OXR1: variants seen among roughly 807,000 people sequenced by gnomAD.
OXR1 encodes oxidation resistance protein 1.
OXR1 carries 41 observed loss-of-function variants against 104.6 expected under a neutral mutation model. The ratio of observed to expected loss-of-function variants is 0.39; its 90% confidence interval spans 0.31 to 0.51. The LOEUF (loss-of-function observed/expected upper bound fraction) is 0.51. OXR1 is among the 20% of genes least tolerant of loss of function. The pLI is 0.77. For synonymous variants in OXR1, 348 were observed against 348.4 expected (o/e 1.00, Z 0.01); for missense variants, 955 against 1,031.9 (o/e 0.93, Z 1.02).
At chr8:106,315,060 C>G (rs562575562) in intron 1 of OXR1, among the ~76,000 whole-genome samples, 2 of 150,922 alleles carry the variant, frequency 1.3e-5, no homozygotes, top group South Asian at 4.2e-4. Context: ...GTAAACTTGT[C>G]GAGTGGGCGT....
intron 2 of OXR1, among the ~76,000 whole-genome samples, chr8:106,385,336 C>T (rs903628526): frequency 6.6e-6 from 1 of 152,158 alleles, no homozygotes; most frequent in Non-Finnish European, 1.5e-5. Flanking sequence ...AGAGAAAATT[C>T]TTATTGATAT....
chr8:106,647,884 A>G (rs573507025), intron 3 of OXR1, among the ~76,000 whole-genome samples: 1 of 152,168 alleles, frequency 6.6e-6, no homozygotes, highest in Non-Finnish European at 1.5e-5. Flanking sequence ...TTAAGATCCA[A>G]TTGTTATTTT....
At chr8:106,725,093 A>G (rs1357007711) in intron 11 of OXR1, among the ~76,000 whole-genome samples, 1 of 152,074 alleles carries the variant, frequency 6.6e-6, no homozygotes, top group African/African-American at 2.4e-5. Flanking sequence ...GAAGATAATG[A>G]TGGTGTTCCT....
intron 3 of OXR1, among the ~76,000 whole-genome samples, chr8:106,590,909 C>T (rs750100462): frequency 6.6e-6 from 1 of 152,076 alleles, no homozygotes; most frequent in Non-Finnish European, 1.5e-5. Flanking sequence ...TGAGGAAGCC[C>T]ACTCTATTTT....
At chr8:106,606,264 C>G (rs1158984146) in intron 3 of OXR1, among the ~76,000 whole-genome samples, 1 of 149,724 alleles carries the variant, frequency 6.7e-6, no homozygotes, top group Non-Finnish European at 1.5e-5. Flanking sequence ...GCAAGTCTTC[C>G]TTAGAGCATA....
chr8:106,518,492 A>C (rs1813014366), intron 2 of OXR1, among the ~76,000 whole-genome samples: 1 of 152,224 alleles, frequency 6.6e-6, no homozygotes, highest in Admixed American at 6.5e-5. Flanking sequence ...TATCATTTTT[A>C]CAGCTAAGAT....
At chr8:106,664,553 A>G (rs1284240311) in intron 3 of OXR1, among the ~76,000 whole-genome samples, 3 of 152,190 alleles carry the variant, frequency 2.0e-5, no homozygotes, top group Non-Finnish European at 4.4e-5. Flanking sequence ...TCTTTAAGGT[A>G]TTTGTTCTGT....
At chr8:106,387,927 G>A (rs1287906797) in intron 2 of OXR1, among the ~76,000 whole-genome samples, 1 of 152,084 alleles carries the variant, frequency 6.6e-6, no homozygotes, top group Non-Finnish European at 1.5e-5. Context: ...AGCCATCCTA[G>A]GACACATTAA....
chr8:106,310,129 C>G (rs1044403350), intron 1 of OXR1, among the ~76,000 whole-genome samples: 5 of 151,586 alleles, frequency 3.3e-5, no homozygotes, highest in Non-Finnish European at 7.4e-5. Context: ...TATTAGTACT[C>G]ATATTATGGC....
At chr8:106,308,158 G>A (rs1218452201) in intron 1 of OXR1, among the ~76,000 whole-genome samples, 1 of 152,108 alleles carries the variant, frequency 6.6e-6, no homozygotes, top group Admixed American at 6.6e-5. Flanking sequence ...CAAGGACAGA[G>A]GGCCTGAGGA....
chr8:106,713,476 C>A (rs923051030), intron 10 of OXR1, among the ~76,000 whole-genome samples: 2 of 151,844 alleles, frequency 1.3e-5, no homozygotes, highest in East Asian at 3.9e-4. Context: ...TATTTTAGAT[C>A]ATTAGATTAT....
chr8:106,355,018 A>C (rs1815904660), intron 1 of OXR1, among the ~76,000 whole-genome samples: 1 of 152,092 alleles, frequency 6.6e-6, no homozygotes, highest in South Asian at 2.1e-4. Context: ...AAATATGTTA[A>C]AAGAGAGAGG....
intron 2 of OXR1, among the ~76,000 whole-genome samples, chr8:106,503,952 A>C (rs777095339): frequency 6.6e-6 from 1 of 152,208 alleles, no homozygotes; most frequent in Non-Finnish European, 1.5e-5. Context: ...CAAACTACAG[A>C]TATCTCTCTA....
intron 1 of OXR1, among the ~76,000 whole-genome samples, chr8:106,289,392 A>G (rs754706183): frequency 1.3e-5 from 2 of 152,166 alleles, no homozygotes; most frequent in African/African-American, 4.8e-5. Context: ...GAGTCAAATC[A>G]AGATCACAAT....
chr8:106,523,512 G>GAATATTCTATAGAATATGAAATAGAATAC (rs1469645679), intron 3 of OXR1, among the ~76,000 whole-genome samples: 12 of 151,810 alleles, frequency 7.9e-5, no homozygotes, highest in Non-Finnish European at 1.6e-4. Flanking sequence ...TTATAGAATG[G>GAATATTCTATAGAATATGAAATAGAATAC]AATATTCTAT....
intron 1 of OXR1, among the ~76,000 whole-genome samples, chr8:106,328,681 T>C (rs1441496752): frequency 6.6e-6 from 1 of 151,974 alleles, no homozygotes; most frequent in Non-Finnish European, 1.5e-5. Context: ...GAATAAAGAA[T>C]AAAAGGCAAG....
intron 2 of OXR1, among the ~76,000 whole-genome samples, chr8:106,488,855 T>C (rs1051518065): frequency 1.3e-5 from 2 of 150,674 alleles, no homozygotes; most frequent in Admixed American, 1.3e-4. Flanking sequence ...AGTCAGGTAG[T>C]GTGATACCTC....
chr8:106,436,209 T>G (rs1366790410), intron 2 of OXR1, among the ~76,000 whole-genome samples: 2 of 152,170 alleles, frequency 1.3e-5, no homozygotes, highest in East Asian at 1.9e-4. Context: ...TACAGTCACC[T>G]AGACCCTTGC....
At chr8:106,694,977 A>AT (rs1829853745) in intron 7 of OXR1, among the ~76,000 whole-genome samples, 1 of 86,804 alleles carries the variant, frequency 1.2e-5, no homozygotes, top group East Asian at 3.1e-4. Context: ...TGTATATTAT[A>AT]ATATATATCT....
Sources: gnomAD v4.1 joint callset for allele counts (sites outside exome capture counted in the v4.1 genomes callset) on GRCh38, gnomAD v4.1.1 for gene constraint, MANE v1.5 for transcripts, NCBI Gene and HGNC (gene_info 2026-07-23, HGNC 2026-07-21) for gene names.